The following RBFOX1 variants were observed in gnomAD, a reference collection of about 807,000 sequenced individuals.
RBFOX1 encodes RNA binding protein fox-1 homolog 1.
RBFOX1 carries 8 observed loss-of-function variants against 57.7 expected under a neutral mutation model. The ratio of observed to expected loss-of-function variants is 0.14; its 90% CI spans 0.08 to 0.25. The LOEUF (loss-of-function observed/expected upper bound fraction) is 0.25. Ranked by LOEUF, RBFOX1 falls within the 10% of genes least tolerant of loss-of-function variation. The pLI is 1.00. For missense variants in RBFOX1, 611 were observed against 548.5 expected, an observed-to-expected ratio of 1.11 and a Z score of -1.14; for synonymous variants, 326 against 222.4, an observed-to-expected ratio of 1.47 and a Z score of -4.15.
intron 4 of RBFOX1, among the ~76,000 whole-genome samples, chr16:5,951,551 G>C (rs371870844): frequency 6.6e-6 from 1 of 152,070 alleles, no homozygotes; most frequent in African/African-American, 2.4e-5. Flanking sequence ...CTGGTTGATG[G>C]AGTGTATTTT....
chr16:6,158,531 A>T (rs140810703), intron 1 of RBFOX1, among the ~76,000 whole-genome samples: 5 of 152,318 alleles, frequency 3.3e-5, no homozygotes, highest in African/African-American at 1.2e-4. Flanking sequence ...CTTTCAGTGA[A>T]ACTTACTGTC....
At chr16:6,787,164 T>C (rs2082106779) in intron 3 of RBFOX1, among the ~76,000 whole-genome samples, 1 of 152,146 alleles carries the variant, frequency 6.6e-6, no homozygotes, top group African/African-American at 2.4e-5. Context: ...GAAACATTTA[T>C]CAGATGTGTG....
At chr16:6,701,699 C>T (rs1398755029) in intron 3 of RBFOX1, among the ~76,000 whole-genome samples, 2 of 152,228 alleles carry the variant, frequency 1.3e-5, no homozygotes, top group Middle Eastern at 3.4e-3. Flanking sequence ...ATGGAATCAA[C>T]CTGAATGCCC....
At chr16:7,116,377 T>C (rs560938381) in intron 4 of RBFOX1, among the ~76,000 whole-genome samples, 49 of 152,256 alleles carry the variant, frequency 3.2e-4, no homozygotes, top group Non-Finnish European at 5.7e-4. Context: ...CAAAGTATTA[T>C]GTTTCACAGC....
rs190197350 is a variant in RBFOX1, at chr16:6,539,305, A to G, written c.-63-115298A>G. 1.9e-4 allele frequency among the ~76,000 whole-genome samples: 29 copies of G among 152,286 alleles called. No homozygotes were observed. The East Asian group carries it at 5.4e-3, about 28-fold the overall frequency. ...TTTCCTTGTGCCTCTGTTTTCCCAA[A>G]TAAATCATGGAATAGTACTTACAGA... On this transcript the variant is annotated intron_variant, in intron 2 of 15. Transcript: ENST00000550418.
intron 4 of RBFOX1, among the ~76,000 whole-genome samples, chr16:7,452,938 G>A (rs2057670007): frequency 6.6e-6 from 1 of 152,050 alleles, no homozygotes; most frequent in Non-Finnish European, 1.5e-5. Flanking sequence ...AGAACAGCCT[G>A]GCCAACATGG....
chr16:7,249,935 TAA>T, intron 4 of RBFOX1, among the ~76,000 whole-genome samples: 1 of 152,356 alleles, frequency 6.6e-6, no homozygotes, highest in Middle Eastern at 3.4e-3. Context: ...CAGTAGTGTT[TAA>T]GAGACTCTTT....
chr16:5,411,484 C>T (rs774110514), intron 1 of RBFOX1, among the ~76,000 whole-genome samples: 44 of 152,162 alleles, frequency 2.9e-4, no homozygotes, highest in African/African-American at 9.7e-4. Context: ...ACAGCCCTGT[C>T]GATACCTTGA....
intron 2 of RBFOX1, among the ~76,000 whole-genome samples, chr16:6,552,846 G>C (rs2097017650): frequency 6.6e-6 from 1 of 151,846 alleles, no homozygotes; most frequent in South Asian, 2.1e-4. Flanking sequence ...ATATAATATA[G>C]AGTATGTCTG....
At chr16:7,153,488 G>C (rs1348695063) in intron 4 of RBFOX1, among the ~76,000 whole-genome samples, 1 of 152,052 alleles carries the variant, frequency 6.6e-6, no homozygotes, top group Non-Finnish European at 1.5e-5. Context: ...TGTAATCCCA[G>C]CACTTTGGGA....
intron 4 of RBFOX1, among the ~76,000 whole-genome samples, chr16:7,291,542 C>T (rs2095774378): frequency 6.6e-6 from 1 of 152,044 alleles, no homozygotes. Flanking sequence ...ATGTGAAGGG[C>T]AAATGTTCAG....
intron 1 of RBFOX1, among the ~76,000 whole-genome samples, chr16:5,347,038 T>C (rs1209937082): frequency 6.6e-6 from 1 of 152,132 alleles, no homozygotes; most frequent in Non-Finnish European, 1.5e-5. Context: ...TGTTCCTGAC[T>C]TTATCCAGGC....
At chr16:6,526,857 A>AAAAAAAAAAAAAAAAC (rs1567560941) in intron 2 of RBFOX1, among the ~76,000 whole-genome samples, 3 of 130,348 alleles carry the variant, frequency 2.3e-5, no homozygotes, top group African/African-American at 7.3e-5. Flanking sequence ...AAAAAAAAAA[A>AAAAAAAAAAAAAAAAC]AACAACCAGA....
At chr16:5,957,725 A>G (rs2059673654) in intron 4 of RBFOX1, among the ~76,000 whole-genome samples, 1 of 152,230 alleles carries the variant, frequency 6.6e-6, no homozygotes, top group Middle Eastern at 3.4e-3. Flanking sequence ...GGCACATGAG[A>G]TGTTTTGATA....
At chr16:6,804,911 C>T (rs981509046) in intron 3 of RBFOX1, among the ~76,000 whole-genome samples, 10 of 152,226 alleles carry the variant, frequency 6.6e-5, no homozygotes, top group Admixed American at 1.3e-4. Context: ...AAACAAAAAG[C>T]GAGATTCAAA....
At position 6,845,434 on chromosome 16, in the gene RBFOX1, A is replaced by G. The variant is rs773501488; in HGVS notation, c.-16+190784A>G. Among the ~76,000 whole-genome samples the G allele has an allele frequency of 1.1e-4, 16 of 152,162 alleles. 1 individual carries two copies. The Middle Eastern group carries it at 0.01, about 97-fold the overall frequency. On this transcript the variant is annotated intron_variant, in intron 3 of 15. Transcript: ENST00000550418. ...TGTCCCAGCACCATTTATTAAATAGAGAATCCTTTCCCCATTGCTTGTTTT... is the reference window on the plus strand; with the variant it reads ...TGTCCCAGCACCATTTATTAAATAGGGAATCCTTTCCCCATTGCTTGTTTT...
intron 1 of RBFOX1, among the ~76,000 whole-genome samples, chr16:5,313,608 T>A (rs2064150545): frequency 6.6e-6 from 1 of 151,972 alleles, no homozygotes; most frequent in South Asian, 2.1e-4. Context: ...GGCCTCACAG[T>A]CACGGTGGAA....
chr16:5,578,238 C>T (rs2046535813), intron 2 of RBFOX1, among the ~76,000 whole-genome samples: 1 of 152,200 alleles, frequency 6.6e-6, no homozygotes, highest in African/African-American at 2.4e-5. Context: ...GCATGAGCTG[C>T]CGTGCCTGCC....
chr16:6,696,763 C>T (rs995731632), intron 3 of RBFOX1, among the ~76,000 whole-genome samples: 3 of 151,944 alleles, frequency 2.0e-5, no homozygotes, highest in African/African-American at 4.8e-5. Context: ...GTTTGCTGTG[C>T]CTGTGTTTGG....
Sources: allele counts gnomAD v4.1 joint callset (sites outside exome capture counted in the v4.1 genomes callset), GRCh38; gene constraint gnomAD v4.1.1; transcripts MANE v1.5; gene names NCBI Gene and HGNC (gene_info 2026-07-23, HGNC 2026-07-21).